The following USP34 variants were observed in gnomAD, a reference collection of about 807,000 sequenced individuals.
The protein encoded by USP34 is ubiquitin carboxyl-terminal hydrolase 34.
Under a neutral mutation model 460.3 loss-of-function variants are expected in USP34, and 70 were observed. The observed-to-expected ratio is 0.15, with a 90% CI of 0.13 to 0.19. The LOEUF (loss-of-function observed/expected upper bound fraction) is 0.19, where lower values mean the gene tolerates loss of function less well. Ranked by LOEUF, USP34 falls within the 10% of genes least tolerant of loss-of-function variation. The pLI, the probability that USP34 is intolerant of heterozygous loss-of-function variation, is 1.00. For synonymous variants in USP34, 1,647 were observed against 1,405.3 expected (o/e 1.17, Z -3.85); for missense variants, 3,985 against 4,236.2 (o/e 0.94, Z 1.65).
chr2:61,387,999 G>T (rs1052141403), intron 5 of USP34, among the ~76,000 whole-genome samples: 1 of 151,126 alleles, frequency 6.6e-6, no homozygotes, highest in East Asian at 1.9e-4. Flanking sequence ...AGGTGGAGTG[G>T]CTCATGCCTG....
intron 72 of USP34, among the ~76,000 whole-genome samples, chr2:61,205,142 G>A (rs1375504364): frequency 6.6e-6 from 1 of 152,190 alleles, no homozygotes; most frequent in Non-Finnish European, 1.5e-5. Flanking sequence ...TTACAGGCAT[G>A]AGCCAGCCCA....
At chr2:61,274,029 A>AT in intron 41 of USP34, among the ~76,000 whole-genome samples, 1 of 152,102 alleles carries the variant, frequency 6.6e-6, no homozygotes, top group East Asian at 1.9e-4. Context: ...TTTTAAAAGT[A>AT]TAACACAGTA....
chr2:61,373,690 C>A (rs1191449862), intron 8 of USP34, among the ~76,000 whole-genome samples: 1 of 152,174 alleles, frequency 6.6e-6, no homozygotes, highest in Admixed American at 6.5e-5. Flanking sequence ...ACAGCTGATT[C>A]TTGTTACTCG....
chr2:61,372,722 G>A (rs1692666029), intron 8 of USP34, among the ~76,000 whole-genome samples: 1 of 152,144 alleles, frequency 6.6e-6, no homozygotes, highest in Non-Finnish European at 1.5e-5. Flanking sequence ...AAAATTTAAA[G>A]GGGAGACCCA....
intron 1 of USP34, among the ~76,000 whole-genome samples, chr2:61,447,751 T>A (rs1695160404): frequency 6.6e-6 from 1 of 152,228 alleles, no homozygotes; most frequent in African/African-American, 2.4e-5. Flanking sequence ...AGTCTCACTC[T>A]GTCGCCTAGG....
At chr2:61,243,260 TCTCAGC>T (rs2103862264) in intron 51 of USP34, among the ~76,000 whole-genome samples, 1 of 152,124 alleles carries the variant, frequency 6.6e-6, no homozygotes, top group Non-Finnish European at 1.5e-5. Flanking sequence ...GATTCTCCTG[TCTCAGC>T]CTCCTGAGTA....
rs772552356 is a variant in USP34, at chr2:61,319,302, G to C, written c.3039C>G (p.Ile1013Met). ...HFRLSLEQVD[I>M]LWHCLVEDSE... is the part of the protein sequence containing the mutation. The stretch of plus-strand genomic sequence containing the variant: ...AATCTTCTACTAAACAATGCCATAA[G>C]ATGTCAACTTGCTCTAAACTTAACC... The change falls in exon 22 of 80, where the codon ATC (isoleucine) becomes ATG (methionine). Residue 1013 changes from isoleucine to methionine, a missense_variant. Coordinates refer to ENST00000398571, the MANE Select transcript of USP34 (RefSeq NM_014709.4). 1 of 1,565,322 alleles carries C rather than the reference G, an allele frequency of 6.4e-7. No homozygotes were observed. The highest frequency in any genetic ancestry group is 8.6e-7 in the Non-Finnish European group (1 of 1,164,578).
intron 1 of USP34, among the ~76,000 whole-genome samples, chr2:61,469,149 G>C (rs1168604432): frequency 6.6e-6 from 1 of 152,134 alleles, no homozygotes; most frequent in African/African-American, 2.4e-5. Context: ...AGAGTTTGCA[G>C]TGAGCCGAGA....
chr2:61,409,177 A>G (rs1392049587), intron 2 of USP34, among the ~76,000 whole-genome samples: 3 of 152,084 alleles, frequency 2.0e-5, no homozygotes, highest in African/African-American at 4.8e-5. Context: ...CCAAGATTGC[A>G]CCACTGCACT....
chr2:61,414,496 C>A (rs1694139292), intron 2 of USP34, among the ~76,000 whole-genome samples: 1 of 152,110 alleles, frequency 6.6e-6, no homozygotes, highest in African/African-American at 2.4e-5. Context: ...TATCCTCTCT[C>A]AGAAAAGATG....
In USP34 at chr2:61,348,411, T is replaced by C. The variant is rs145619037; in HGVS notation, c.1744A>G (p.Ser582Gly). The C allele has an allele frequency of 6.2e-7, 1 of 1,613,932 alleles. No homozygotes were observed. Among genetic ancestry groups the C allele is most frequent in the African/African-American group, 1.3e-5 (1 of 75,070 alleles). ...GEDGSSGPGS[S>G]SGHSDGSSNE... is the part of the protein sequence containing the mutation. ...CTAGATCCATCACTATGCCCACTAC[T>C]GCTACCAGGACCACTGCTTCCATCT... The change falls in exon 15 of 80, where the codon AGT becomes GGT. Residue 582 changes from serine (S) to glycine (G), a missense_variant. Coordinates refer to ENST00000398571, the MANE Select transcript of USP34 (RefSeq NM_014709.4).
At chr2:61,283,551 A>C (rs61470517) in intron 35 of USP34, 102 bp from the exon 36 acceptor site, 2 of 1,263,764 alleles carry the variant, frequency 1.6e-6, no homozygotes, top group East Asian at 2.4e-5. Context: ...CTTCCCCCCC[A>C]AAAAAGGAAA....
intron 8 of USP34, among the ~76,000 whole-genome samples, chr2:61,376,030 GA>G (rs1181190380): frequency 6.6e-6 from 1 of 152,076 alleles, no homozygotes; most frequent in Non-Finnish European, 1.5e-5. Flanking sequence ...TACAGAGACA[GA>G]AAGTAGATTA....
chr2:61,318,039 A>G (rs1251608326), intron 22 of USP34, among the ~76,000 whole-genome samples: 1 of 152,038 alleles, frequency 6.6e-6, no homozygotes, highest in East Asian at 1.9e-4. Flanking sequence ...TGAAAACTAC[A>G]AAAATCAGCC....
At chr2:61,322,454 G>C (rs910844205) in intron 21 of USP34, among the ~76,000 whole-genome samples, 1 of 151,656 alleles carries the variant, frequency 6.6e-6, no homozygotes, top group Non-Finnish European at 1.5e-5. Flanking sequence ...AGGCATTATA[G>C]GCAATCACAA....
chr2:61,263,452 A>G (rs2103912788), intron 43 of USP34, among the ~76,000 whole-genome samples: 1 of 150,346 alleles, frequency 6.7e-6, no homozygotes, highest in African/African-American at 2.4e-5. Context: ...AAGTGCTGGG[A>G]TTACAGGCGT....
intron 27 of USP34, among the ~76,000 whole-genome samples, chr2:61,305,711 CAGAA>C (rs1558520563): frequency 6.6e-6 from 1 of 151,976 alleles, no homozygotes; most frequent in Non-Finnish European, 1.5e-5. Flanking sequence ...AGATCTCAAA[CAGAA>C]AGAAAGGCAG....
intron 30 of USP34, among the ~76,000 whole-genome samples, chr2:61,296,450 ACAT>A (rs1458249602): frequency 6.6e-6 from 1 of 152,222 alleles, no homozygotes; most frequent in Non-Finnish European, 1.5e-5. Context: ...ACACTGATGC[ACAT>A]CATTTCACCT....
At chr2:61,403,624 A>T (rs773093781) in intron 3 of USP34, among the ~76,000 whole-genome samples, 4 of 152,094 alleles carry the variant, frequency 2.6e-5, no homozygotes, top group Admixed American at 6.5e-5. Flanking sequence ...ATTTTTAGAA[A>T]ACAGAGCACA....
Sources: allele counts gnomAD v4.1 joint callset (sites outside exome capture counted in the v4.1 genomes callset), GRCh38; gene constraint gnomAD v4.1.1; transcripts MANE v1.5; gene names NCBI Gene and HGNC (gene_info 2026-07-23, HGNC 2026-07-21).